The following EVA1C variants were observed in gnomAD, a reference collection of about 807,000 sequenced individuals.
EVA1C encodes eva-1 homolog C.
EVA1C carries 25 observed loss-of-function variants against 45.4 expected under a neutral mutation model. The ratio of observed to expected loss-of-function variants is 0.55; its 90% CI spans 0.40 to 0.77. The LOEUF (loss-of-function observed/expected upper bound fraction) is 0.77, where lower values mean the gene tolerates loss of function less well. Among genes scored for constraint, EVA1C ranks in the 30% least tolerant of loss-of-function variants. The pLI is 0.00. For synonymous variants in EVA1C, 190 were observed against 221.2 expected, an observed-to-expected ratio of 0.86 and a Z score of 1.25; for missense variants, 479 against 554.8, an observed-to-expected ratio of 0.86 and a Z score of 1.37.
intron 2 of EVA1C, 133 bp downstream of exon 2, chr21:32,453,641 T>C: frequency 4.6e-6 from 3 of 658,886 alleles, no homozygotes; most frequent in Non-Finnish European, 5.1e-6. Context: ...TCCCAATTTA[T>C]ACAGATCACC....
chr21:32,449,341 C>G (rs1286092412), intron 1 of EVA1C, among the ~76,000 whole-genome samples: 1 of 152,202 alleles, frequency 6.6e-6, no homozygotes. Context: ...AGTTGCAATG[C>G]CCAAAAAGTC....
At chr21:32,468,374 A>G (rs757852255) in intron 4 of EVA1C, among the ~76,000 whole-genome samples, 3 of 138,390 alleles carry the variant, frequency 2.2e-5, no homozygotes, top group Non-Finnish European at 4.7e-5. Context: ...CCCTGTCTCA[A>G]AAAACAAACA....
chr21:32,513,712 A>T (rs1419488009), intron 7 of EVA1C, among the ~76,000 whole-genome samples: 1 of 151,018 alleles, frequency 6.6e-6, no homozygotes, highest in Non-Finnish European at 1.5e-5. Flanking sequence ...ATATTTTGGT[A>T]TTTTTTTAAA....
chr21:32,461,942 G>T (rs908850335), intron 3 of EVA1C, among the ~76,000 whole-genome samples: 5 of 152,170 alleles, frequency 3.3e-5, no homozygotes, highest in African/African-American at 7.2e-5. Context: ...CTAGGACTCA[G>T]TTGTAACATG....
In EVA1C at chr21:32,455,132, G is replaced by A. The variant is rs188505820; in HGVS notation, c.357+1624G>A. Among the ~76,000 whole-genome samples, 23 of 152,214 alleles carry A rather than the reference G, an allele frequency of 1.5e-4. No homozygotes were observed. In the South Asian group the frequency reaches 2.3e-3, roughly 15 times the overall value. On this transcript the variant is annotated intron_variant, in intron 2 of 7. Coordinates refer to ENST00000300255, the MANE Select transcript of EVA1C (RefSeq NM_058187.5). ...AGGTCAGGAAGTCCAAGAGCAAGGC[G>A]CCATAGGTTTGGTGTCTCTACTTCC...
rs2038092959 is a variant in EVA1C at position 32,515,033 on chromosome 21, T to C, written c.1169T>C (p.Leu390Pro). 2 of 1,614,144 alleles carry C rather than the reference T, an allele frequency of 1.2e-6. No homozygotes were observed. Among genetic ancestry groups the C allele is most frequent in the Non-Finnish European group, 1.7e-6 (2 of 1,180,006 alleles). Residue 390 changes from leucine to proline, a missense_variant, in exon 8 of 8, where the codon CTG becomes CCG. Physicochemically the swap from Leu to Pro is moderately conservative, Grantham distance 98 (BLOSUM62 -3). This residue lies in a region of EVA1C where 366 missense variants were observed against 426.1 expected (regional missense o/e 0.86). Coordinates refer to ENST00000300255, the MANE Select transcript of EVA1C (RefSeq NM_058187.5). ...DPSESDFPGE[L>P]SGFCRTSYPI... Reference sequence around the variant, plus strand: ...TCTGAGTCTGATTTCCCAGGGGAACTGTCGGGGTTCTGTAGGACTTCATAT... The same window carrying C: ...TCTGAGTCTGATTTCCCAGGGGAACCGTCGGGGTTCTGTAGGACTTCATAT...
intron 4 of EVA1C, 126 bp downstream of exon 4, chr21:32,467,974 CTTGT>C: frequency 1.8e-6 from 1 of 559,604 alleles, no homozygotes; most frequent in Non-Finnish European, 2.6e-6. Context: ...CAATCACGAT[CTTGT>C]GATCGTGTAA....
intron 1 of EVA1C, among the ~76,000 whole-genome samples, chr21:32,437,179 C>CAACACAAAACAAAACA (rs2034989387): frequency 7.3e-6 from 1 of 136,204 alleles, no homozygotes; most frequent in Non-Finnish European, 1.6e-5. Flanking sequence ...CAAAACAAAA[C>CAACACAAAACAAAACA]AAACATAGAT....
At chr21:32,497,967 C>T (rs763083972) in intron 5 of EVA1C, among the ~76,000 whole-genome samples, 8 of 152,118 alleles carry the variant, frequency 5.3e-5, no homozygotes, top group Admixed American at 2.6e-4. Context: ...TCCCACAACA[C>T]GTGGGAATTA....
intron 7 of EVA1C, among the ~76,000 whole-genome samples, chr21:32,510,109 T>C (rs1342668808): frequency 6.7e-6 from 1 of 149,124 alleles, no homozygotes; most frequent in African/African-American, 2.5e-5. Context: ...TGCAGTGGTG[T>C]GTGATCTTGG....
intron 5 of EVA1C, chr21:32,497,328 TA>T (rs2037385918): frequency 3.4e-6 from 2 of 595,836 alleles, no homozygotes; most frequent in Non-Finnish European, 6.0e-6. Context: ...TGGACTTTTT[TA>T]ATGGGTCCGT....
At chr21:32,427,256 A>G (rs1360451556) in intron 1 of EVA1C, among the ~76,000 whole-genome samples, 1 of 152,220 alleles carries the variant, frequency 6.6e-6, no homozygotes, top group African/African-American at 2.4e-5. Flanking sequence ...AAAAGTAAAA[A>G]CATTTGACGA....
At chr21:32,488,676 C>G (rs2146380209) in intron 4 of EVA1C, among the ~76,000 whole-genome samples, 1 of 152,096 alleles carries the variant, frequency 6.6e-6, no homozygotes, top group Non-Finnish European at 1.5e-5. Context: ...ACCTCCGCCT[C>G]CCCGGTTCAA....
chr21:32,511,438 A>AAAAAG (rs772421375), intron 7 of EVA1C, among the ~76,000 whole-genome samples: 85 of 148,766 alleles, frequency 5.7e-4, no homozygotes, highest in Non-Finnish European at 9.2e-4. Flanking sequence ...AAAAAAAAAA[A>AAAAAG]AAAGAAAGAA....
At chr21:32,494,699 C>T (rs1359918969) in intron 4 of EVA1C, among the ~76,000 whole-genome samples, 2 of 151,564 alleles carry the variant, frequency 1.3e-5, no homozygotes, top group Non-Finnish European at 2.9e-5. Flanking sequence ...AGGAGAATTG[C>T]TTGAAGCAGG....
chr21:32,508,085 G>C (rs759723928), intron 7 of EVA1C, among the ~76,000 whole-genome samples: 2 of 152,298 alleles, frequency 1.3e-5, no homozygotes, highest in Non-Finnish European at 2.9e-5. Flanking sequence ...TAGCAAAGCA[G>C]TGTAATAGCT....
At position 32,452,705 on chromosome 21, in the gene EVA1C, G is replaced by A. The variant is rs530737684; in HGVS notation, c.161-607G>A. 4 of 152,468 alleles carry A rather than the reference G, an allele frequency of 2.6e-5. No individual in the cohort carries two copies. Among genetic ancestry groups the A allele is most frequent in the Admixed American group, 2.0e-4 (3 of 15,296 alleles). 9.4% of individuals were successfully genotyped at this position (152,468 alleles called of 1,614,324 possible). On this transcript the variant is annotated intron_variant, in intron 1 of 7. Transcript: ENST00000300255. The surrounding 1 kb of genome is among the most constrained non-coding windows in gnomAD (Gnocchi z 4.0). ...TTATTGAGTGGAGGAGGTGGCTCTC[G>A]GATGGGGAGCCAGAAGGGGGATGGA...
At chr21:32,477,875 C>T (rs1601376281) in intron 4 of EVA1C, among the ~76,000 whole-genome samples, 1 of 38,164 alleles carries the variant, frequency 2.6e-5, no homozygotes, top group South Asian at 1.4e-3. Flanking sequence ...TCCCCTCCCC[C>T]GTACGCCCTC....
chr21:32,515,265 A>T lies in EVA1C; in HGVS notation c.*75A>T. Reference sequence around the variant, plus strand: ...CCAAATGCCCCTCCAGTTCTGGTTCACCTGTACCTTCTATGAAGGAGAATT... The same window carrying T: ...CCAAATGCCCCTCCAGTTCTGGTTCTCCTGTACCTTCTATGAAGGAGAATT... On this transcript the variant is annotated 3_prime_UTR_variant, in exon 8 of 8. Coordinates refer to ENST00000300255, the MANE Select transcript of EVA1C (RefSeq NM_058187.5). The T allele has an allele frequency of 6.9e-7, 1 of 1,452,494 alleles. No individual in the cohort carries two copies. 90.0% of individuals were successfully genotyped at this position (1,452,494 alleles called of 1,614,324 possible). A position where few individuals can be genotyped will look rare whatever the true frequency, so the allele number is the denominator to read the frequency against.
Sources: allele counts gnomAD v4.1 joint callset (sites outside exome capture counted in the v4.1 genomes callset), GRCh38; gene constraint gnomAD v4.1.1; regional missense constraint gnomAD v4.1.1; non-coding constraint Gnocchi (gnomAD v3.1); transcripts MANE v1.5; gene names NCBI Gene and HGNC (gene_info 2026-07-23, HGNC 2026-07-21).